The following DST variants were observed in gnomAD, a reference collection of about 807,000 sequenced individuals.
DST encodes dystonin, also known as bullous pemphigoid antigen.
Under a neutral mutation model 875.2 loss-of-function variants are expected in DST, and 253 were observed. The ratio of observed to expected loss-of-function variants is 0.29; its 90% CI spans 0.26 to 0.32. DST has a LOEUF of 0.32. Ranked by LOEUF, DST falls within the 10% of genes least tolerant of loss-of-function variation. The probability of loss-of-function intolerance (pLI) is 1.00; values close to 1 mark genes in which losing one functional copy is unlikely to be tolerated. For missense variants in DST, 8,287 were observed against 9,111.6 expected, an observed-to-expected ratio of 0.91 and a Z score of 3.68; for synonymous variants, 3,124 against 3,197.1, an observed-to-expected ratio of 0.98 and a Z score of 0.77.
intron 5 of DST, among the ~76,000 whole-genome samples, chr6:56,731,715 T>C (rs2099499303): frequency 6.6e-6 from 1 of 152,214 alleles, no homozygotes; most frequent in African/African-American, 2.4e-5. Flanking sequence ...TTGATGAACA[T>C]GTAGGTCATT....
At chr6:56,688,759 T>G (rs2099205437) in intron 9 of DST, among the ~76,000 whole-genome samples, 1 of 152,210 alleles carries the variant, frequency 6.6e-6, no homozygotes, top group Non-Finnish European at 1.5e-5. Flanking sequence ...TCCCTGTCAT[T>G]TGTTATGAAC....
At chr6:56,896,499 T>C (rs928353829) in intron 3 of DST, among the ~76,000 whole-genome samples, 20 of 152,292 alleles carry the variant, frequency 1.3e-4, no homozygotes, top group African/African-American at 4.6e-4. Flanking sequence ...CTCTTTTTCT[T>C]CCCAGTCTCA....
chr6:56,881,521 T>C (rs1271979575), intron 3 of DST, among the ~76,000 whole-genome samples: 3 of 152,010 alleles, frequency 2.0e-5, no homozygotes, highest in African/African-American at 7.2e-5. Flanking sequence ...AATTAGAATA[T>C]AAAACAAGTA....
chr6:56,928,855 T>C (rs1463570161), intron 2 of DST, among the ~76,000 whole-genome samples: 1 of 152,042 alleles, frequency 6.6e-6, no homozygotes, highest in East Asian at 1.9e-4. Flanking sequence ...GATATACTTT[T>C]ACAAGAAATA....
chr6:56,784,959 C>T (rs1237463619), intron 4 of DST, among the ~76,000 whole-genome samples: 1 of 152,190 alleles, frequency 6.6e-6, no homozygotes, highest in Non-Finnish European at 1.5e-5. Flanking sequence ...GGACCCTCAG[C>T]TGCAGGTCTG....
chr6:56,867,648 C>T (rs368773504), intron 3 of DST, among the ~76,000 whole-genome samples: 11 of 152,082 alleles, frequency 7.2e-5, no homozygotes, highest in Non-Finnish European at 1.2e-4. Flanking sequence ...GGTGAAACCC[C>T]GTCTCTACTA....
At chr6:56,678,038 A>G (rs531713511) in intron 9 of DST, among the ~76,000 whole-genome samples, 1 of 152,302 alleles carries the variant, frequency 6.6e-6, no homozygotes, top group East Asian at 1.9e-4. Flanking sequence ...GTGATGCAAA[A>G]CCAGTGGTTT....
At chr6:56,723,903 G>A (rs914568737) in intron 5 of DST, among the ~76,000 whole-genome samples, 1 of 152,100 alleles carries the variant, frequency 6.6e-6, no homozygotes, top group African/African-American at 2.4e-5. Context: ...ACCTTCCTCC[G>A]CTGCTCCCCC....
rs2097344436 is a variant in DST at position 56,552,798 on chromosome 6, C to A, written c.15994G>T (p.Ala5332Ser). The A allele has an allele frequency of 6.2e-7, 1 of 1,611,112 alleles. No individual in the cohort carries two copies. Residue 5332 changes from alanine (A) to serine (S), a missense_variant, in exon 61 of 104, where the codon GCT becomes TCT. By Grantham distance (99) the Ala-to-Ser change is moderately conservative. Transcript: ENST00000680361. Reference sequence around the variant, plus strand: ...ACAAGGTCCTGTGCAAGTCTTTTAGCCAAATCTACCTGATGCTTCAAGGCC... The same window carrying A: ...ACAAGGTCCTGTGCAAGTCTTTTAGACAAATCTACCTGATGCTTCAAGGCC... Reference protein sequence around the residue: ...LQALKHQVDLAKRLAQDLVVE... With the variant: ...LQALKHQVDLSKRLAQDLVVE...
At chr6:56,702,507 T>C (rs1238495198) in intron 7 of DST, among the ~76,000 whole-genome samples, 1 of 152,012 alleles carries the variant, frequency 6.6e-6, no homozygotes, top group Non-Finnish European at 1.5e-5. Flanking sequence ...TACTTAGCCA[T>C]GATAGAGAAA....
chr6:56,571,126 C>T (rs1459817942), intron 53 of DST, among the ~76,000 whole-genome samples: 3 of 152,196 alleles, frequency 2.0e-5, no homozygotes, highest in Non-Finnish European at 2.9e-5. Flanking sequence ...CTCTGCACCA[C>T]GGAGGCAGTG....
Position 56,649,097 on chromosome 6 carries a change from A to G in DST, c.1435-408T>C, listed in dbSNP as rs185581821. On this transcript the variant is annotated intron_variant, in intron 12 of 103. Coordinates refer to ENST00000680361, the MANE Select transcript of DST (RefSeq NM_001374736.1). ...TCTTTGCCAACTATTTTAGATCTAA[A>G]TCTACTATGTATCTCAAACTCAAAA... 6.3e-4 allele frequency among the ~76,000 whole-genome samples: 96 copies of G among 152,298 alleles called. 1 individual carries two copies. Among genetic ancestry groups the G allele is most frequent in the Admixed American group, 5.1e-3 (78 of 15,294 alleles).
intron 98 of DST, chr6:56,467,499 GA>G (rs1001367573): frequency 6.6e-6 from 1 of 151,846 alleles, no homozygotes; most frequent in Non-Finnish European, 1.5e-5. Flanking sequence ...AATTCTTCCT[GA>G]AATGTTAATT....
At chr6:56,880,881 C>T (rs1781849739) in intron 3 of DST, among the ~76,000 whole-genome samples, 1 of 87,876 alleles carries the variant, frequency 1.1e-5, no homozygotes, top group South Asian at 4.2e-4. Flanking sequence ...AGAGTCTTTG[C>T]TCTGTTGCCA....
intron 5 of DST, among the ~76,000 whole-genome samples, chr6:56,713,914 T>G (rs1226848907): frequency 6.6e-6 from 1 of 152,208 alleles, no homozygotes; most frequent in Non-Finnish European, 1.5e-5. Flanking sequence ...CTTGGGTCCT[T>G]GAAAATAAAC....
At chr6:56,487,562 G>A (rs1008226267) in intron 86 of DST, among the ~76,000 whole-genome samples, 1 of 152,120 alleles carries the variant, frequency 6.6e-6, no homozygotes, top group Non-Finnish European at 1.5e-5. Context: ...CTAATGTTAG[G>A]TGTATTAAAT....
Position 56,574,874 on chromosome 6 carries a change from G to A in DST, c.13028-987C>T, listed in dbSNP as rs189871850. Reference sequence around the variant, plus strand: ...GCTTTAGTCTTATACATTGTAGAACGCTTCAGTAGGGACAAGCTGTGTCCT... The same window carrying A: ...GCTTTAGTCTTATACATTGTAGAACACTTCAGTAGGGACAAGCTGTGTCCT... On this transcript the variant is annotated intron_variant, in intron 50 of 103. Coordinates refer to ENST00000680361, the MANE Select transcript of DST (RefSeq NM_001374736.1). Among the ~76,000 whole-genome samples the A allele has an allele frequency of 4.6e-5, 7 of 152,086 alleles. No homozygotes were observed. In the East Asian group the frequency reaches 5.8e-4, roughly 13 times the overall value.
intron 4 of DST, among the ~76,000 whole-genome samples, chr6:56,788,724 C>T (rs1353564014): frequency 6.6e-6 from 1 of 152,164 alleles, no homozygotes; most frequent in Non-Finnish European, 1.5e-5. Context: ...TTCTGCAATA[C>T]TCCATCCCAA....
chr6:56,470,012 T>A, intron 96 of DST, 55 bp from the exon 97 acceptor site: 2 of 1,605,100 alleles, frequency 1.2e-6, no homozygotes, highest in East Asian at 2.2e-5. Flanking sequence ...CATAGTACAA[T>A]CCTTAAAACT....
Sources: gnomAD v4.1 joint callset for allele counts (sites outside exome capture counted in the v4.1 genomes callset) on GRCh38, gnomAD v4.1.1 for gene constraint, MANE v1.5 for transcripts, NCBI Gene and HGNC (gene_info 2026-07-23, HGNC 2026-07-21) for gene names.